Variants in ZFPM2 observed in about 807,000 individuals in gnomAD.
ZFPM2 encodes zinc finger protein ZFPM2.
A neutral mutation model predicts 98.6 loss-of-function variants in ZFPM2; 20 were observed. The observed-to-expected ratio is 0.20, with a 90% CI of 0.14 to 0.29. The LOEUF (loss-of-function observed/expected upper bound fraction) is 0.29, where lower values mean the gene tolerates loss of function less well. ZFPM2 is among the 10% of genes least tolerant of loss of function. The pLI is 1.00. For synonymous variants in ZFPM2, 518 were observed against 502.7 expected, an observed-to-expected ratio of 1.03 and a Z score of -0.41; for missense variants, 1,310 against 1,388.6, an observed-to-expected ratio of 0.94 and a Z score of 0.90.
At chr8:105,501,188 T>C in intron 3 of ZFPM2, among the ~76,000 whole-genome samples, 1 of 150,930 alleles carries the variant, frequency 6.6e-6, no homozygotes, top group Admixed American at 6.6e-5. Flanking sequence ...TTTTCTCTTT[T>C]TTTTTTTTTT....
In ZFPM2 at chr8:105,704,150, G is replaced by A. The variant is rs148790113; in HGVS notation, c.532+69793G>A. 7.9e-5 allele frequency among the ~76,000 whole-genome samples: 12 copies of A among 152,070 alleles called. No homozygotes were observed. The East Asian group carries it at 2.3e-3, about 29-fold the overall frequency. ...CTCTCTCTCAACATTTGGAATCAGA[G>A]GACTAAGTTCTGAACCTGCTAAAGA... On this transcript the variant is annotated intron_variant, in intron 5 of 7. Transcript: ENST00000407775.
At chr8:105,374,956 C>G (rs904077574) in intron 1 of ZFPM2, among the ~76,000 whole-genome samples, 2 of 152,096 alleles carry the variant, frequency 1.3e-5, no homozygotes, top group Admixed American at 6.5e-5. Context: ...CAAGACTACT[C>G]TGCAGGGACT....
At chr8:105,666,010 G>T (rs1274208002) in intron 5 of ZFPM2, among the ~76,000 whole-genome samples, 1 of 152,114 alleles carries the variant, frequency 6.6e-6, no homozygotes, top group Non-Finnish European at 1.5e-5. Context: ...TAAGTGAATT[G>T]TATTAATTGT....
At chr8:105,755,564 G>A (rs1217288667) in intron 5 of ZFPM2, among the ~76,000 whole-genome samples, 1 of 152,092 alleles carries the variant, frequency 6.6e-6, no homozygotes, top group African/African-American at 2.4e-5. Flanking sequence ...AGTGTGTTGG[G>A]TAGAAGAGGC....
At chr8:105,718,428 TAGAG>T (rs1294360397) in intron 5 of ZFPM2, among the ~76,000 whole-genome samples, 1 of 151,996 alleles carries the variant, frequency 6.6e-6, no homozygotes, top group East Asian at 1.9e-4. Context: ...TGTAGCAGGA[TAGAG>T]ATTCACCATC....
intron 5 of ZFPM2, among the ~76,000 whole-genome samples, chr8:105,713,414 G>A (rs1811449304): frequency 6.6e-6 from 1 of 151,836 alleles, no homozygotes; most frequent in African/African-American, 2.4e-5. Context: ...ATAGATTCTG[G>A]GCATTAGTCC....
intron 5 of ZFPM2, among the ~76,000 whole-genome samples, chr8:105,710,312 G>C (rs1303977182): frequency 1.3e-5 from 2 of 152,062 alleles, no homozygotes; most frequent in African/African-American, 2.4e-5. Context: ...ATTGAAGATA[G>C]TAGACCTCAA....
intron 5 of ZFPM2, among the ~76,000 whole-genome samples, chr8:105,637,630 C>T (rs1485316057): frequency 1.3e-5 from 2 of 151,974 alleles, no homozygotes; most frequent in South Asian, 2.1e-4. Context: ...GACAGCTCAC[C>T]CAGAGCATGT....
chr8:105,362,806 T>TTTTTAG (rs1431579283), intron 1 of ZFPM2, among the ~76,000 whole-genome samples: 1 of 152,148 alleles, frequency 6.6e-6, no homozygotes, highest in Non-Finnish European at 1.5e-5. Context: ...TACTGATTGA[T>TTTTTAG]TGCTAGAATT....
rs565117737 is a variant in ZFPM2, at chr8:105,404,165, T to C, written c.41-14979T>C. Among the ~76,000 whole-genome samples the C allele has an allele frequency of 3.3e-5, 5 of 152,266 alleles. No individual in the cohort carries two copies. In the East Asian group the frequency reaches 5.8e-4, roughly 18 times the overall value. On this transcript the variant is annotated intron_variant, in intron 1 of 7. Transcript: ENST00000407775. ...AGGACAAGTTGCTTCTTTCCAGAGC[T>C]GAGAATATGTGTTCTCTTTCATCTT...
intron 4 of ZFPM2, among the ~76,000 whole-genome samples, chr8:105,598,845 A>T (rs1191075911): frequency 6.6e-6 from 1 of 152,050 alleles, no homozygotes; most frequent in Non-Finnish European, 1.5e-5. Context: ...TACAAAAAAA[A>T]CTTTCCCCAA....
intron 3 of ZFPM2, among the ~76,000 whole-genome samples, chr8:105,484,121 T>C (rs573822965): frequency 4.5e-4 from 69 of 152,272 alleles, no homozygotes; most frequent in Non-Finnish European, 8.2e-4. Flanking sequence ...TTTTTATCTT[T>C]TTGTGATTTG....
intron 3 of ZFPM2, among the ~76,000 whole-genome samples, chr8:105,492,511 G>A (rs1453334393): frequency 6.6e-6 from 1 of 152,054 alleles, no homozygotes; most frequent in South Asian, 2.1e-4. Flanking sequence ...TGCTTCTTGG[G>A]AAAATGACAA....
At chr8:105,781,389 G>A (rs1813245354) in intron 5 of ZFPM2, among the ~76,000 whole-genome samples, 1 of 152,180 alleles carries the variant, frequency 6.6e-6, no homozygotes, top group Non-Finnish European at 1.5e-5. Flanking sequence ...TGCTTTCTAA[G>A]TGTTAGCTAT....
intron 3 of ZFPM2, among the ~76,000 whole-genome samples, chr8:105,465,258 A>G (rs1232433792): frequency 6.6e-6 from 1 of 152,018 alleles, no homozygotes; most frequent in Non-Finnish European, 1.5e-5. Context: ...TAATGCCTCT[A>G]AGACATTAAA....
intron 5 of ZFPM2, among the ~76,000 whole-genome samples, chr8:105,666,245 G>A (rs1817486209): frequency 6.8e-6 from 1 of 147,628 alleles, no homozygotes; most frequent in Non-Finnish European, 1.5e-5. Context: ...GCCCTCTTTA[G>A]CAAAGAAAGA....
chr8:105,677,013 T>C (rs1290437909), intron 5 of ZFPM2, among the ~76,000 whole-genome samples: 2 of 152,254 alleles, frequency 1.3e-5, no homozygotes, highest in East Asian at 3.9e-4. Flanking sequence ...ATATTAAAGA[T>C]GGACTAGTTT....
Position 105,318,988 on chromosome 8 carries a change from T to G in ZFPM2, c.40+7T>G. 6.7e-7 allele frequency: 1 copy of G among 1,490,180 alleles called. No homozygotes were observed. The highest frequency in any genetic ancestry group is 1.3e-5 in the South Asian group (1 of 78,482). The allele number at this position is 1,490,180 out of a possible 1,614,324, so 92.3% of individuals were successfully genotyped here. On this transcript the variant is annotated splice_region_variant and intron_variant, in intron 1 of 7. Transcript: ENST00000407775. ...AAACCCCGGCAGATCAAACGTAAGT[T>G]TGCGCGCGGGGCCGGGAGTTGGTGG... is the stretch of plus-strand genomic sequence containing the variant.
intron 3 of ZFPM2, among the ~76,000 whole-genome samples, chr8:105,521,606 T>A (rs1309517792): frequency 6.6e-6 from 1 of 152,118 alleles, no homozygotes; most frequent in Non-Finnish European, 1.5e-5. Context: ...AGATGGAGTT[T>A]CACTCTTGTT....
Sources: gnomAD v4.1 joint callset for allele counts (sites outside exome capture counted in the v4.1 genomes callset) on GRCh38, gnomAD v4.1.1 for gene constraint, MANE v1.5 for transcripts, NCBI Gene and HGNC (gene_info 2026-07-23, HGNC 2026-07-21) for gene names.